Variants in CFAP44 observed in about 807,000 individuals in gnomAD.
CFAP44 encodes the protein cilia and flagella associated protein 44, also known as cilia- and flagella-associated protein 44.
A neutral mutation model predicts 216.2 loss-of-function variants in CFAP44; 134 were observed. That is an observed-to-expected ratio of 0.62 (90% CI 0.54 to 0.72). The LOEUF is 0.72. CFAP44 is among the 30% of genes least tolerant of loss of function. The pLI is 0.00. For synonymous variants in CFAP44, 700 were observed against 727.6 expected, an observed-to-expected ratio of 0.96 and a Z score of 0.61; for missense variants, 2,035 against 2,182.1, an observed-to-expected ratio of 0.93 and a Z score of 1.34.
At chr3:113,423,714 C>T (rs1404459975) in intron 4 of CFAP44, among the ~76,000 whole-genome samples, 1 of 152,110 alleles carries the variant, frequency 6.6e-6, no homozygotes, top group Non-Finnish European at 1.5e-5. Context: ...TTATAAATGG[C>T]ACATTTCTTG....
At chr3:113,405,352 C>T (rs372499079) in intron 8 of CFAP44, among the ~76,000 whole-genome samples, 173 of 152,316 alleles carry the variant, frequency 1.1e-3, no homozygotes, top group African/African-American at 3.9e-3. Flanking sequence ...AAATGTGACT[C>T]ATATCTAGCT....
intron 17 of CFAP44, among the ~76,000 whole-genome samples, chr3:113,376,124 T>C (rs934949316): frequency 1.3e-5 from 2 of 152,146 alleles, no homozygotes; most frequent in Non-Finnish European, 2.9e-5. Flanking sequence ...ATATACTGTT[T>C]ACAAGAGACC....
At chr3:113,438,700 T>A (rs1935290407) in intron 1 of CFAP44, among the ~76,000 whole-genome samples, 2 of 152,338 alleles carry the variant, frequency 1.3e-5, no homozygotes, top group South Asian at 4.1e-4. Flanking sequence ...TAAGCTGAAA[T>A]CTGCCTCCCT....
chr3:113,327,688 C>G lies in CFAP44; in HGVS notation c.4248G>C (p.Lys1416Asn). Residue 1416 changes from lysine (K) to asparagine (N), a missense_variant, in exon 27 of 35, where the codon AAG (lysine) becomes AAC (asparagine). Lys to Asn is a moderately conservative substitution (Grantham distance 94). Transcript: ENST00000393845. ...VTLFQEILLL[K>N]NFEKQENILQ... ...GTATGTTCTCCTGTTTTTCAAAATTCTTCAGGAGAAGTATTTCTTGAAATA... is the reference window on the plus strand; with the variant it reads ...GTATGTTCTCCTGTTTTTCAAAATTGTTCAGGAGAAGTATTTCTTGAAATA... The G allele has an allele frequency of 6.5e-7, 1 of 1,536,926 alleles. No individual in the cohort carries two copies. Among genetic ancestry groups the G allele is most frequent in the Non-Finnish European group, 8.7e-7 (1 of 1,146,694 alleles).
At chr3:113,332,967 CAA>C (rs1481258489) in intron 25 of CFAP44, among the ~76,000 whole-genome samples, 1 of 152,038 alleles carries the variant, frequency 6.6e-6, no homozygotes, top group Non-Finnish European at 1.5e-5. Context: ...AAGGAAAGCT[CAA>C]AGACAGAAGG....
At position 113,396,674 on chromosome 3, in the gene CFAP44, T is replaced by G. The variant is rs898122188; in HGVS notation, c.1623A>C (p.Arg541=). 2.8e-5 allele frequency: 45 copies of G among 1,613,950 alleles called. No homozygotes were observed. The highest frequency in any genetic ancestry group is 3.6e-5 in the Non-Finnish European group (43 of 1,179,976). Residue 541 remains arginine (R), a synonymous_variant, in exon 14 of 35, where the codon CGA becomes CGC. Coordinates refer to ENST00000393845, the MANE Select transcript of CFAP44 (RefSeq NM_001164496.2). Reference sequence around the variant, plus strand: ...CTTTTGGATCATAAAGTTCAAGAATTCGAACAACTCCATCTTCAAATCCTA... The same window carrying G: ...CTTTTGGATCATAAAGTTCAAGAATGCGAACAACTCCATCTTCAAATCCTA... ...IIVGFEDGVV[R]ILELYDPKGL... is the part of the protein sequence containing the mutation.
At chr3:113,398,928 A>G (rs1934063273) in intron 13 of CFAP44, among the ~76,000 whole-genome samples, 1 of 152,162 alleles carries the variant, frequency 6.6e-6, no homozygotes, top group Non-Finnish European at 1.5e-5. Flanking sequence ...TGCTTCACCC[A>G]ATCAAGTATG....
At chr3:113,439,291 T>G (rs1314870422) in intron 1 of CFAP44, among the ~76,000 whole-genome samples, 3 of 152,186 alleles carry the variant, frequency 2.0e-5, no homozygotes, top group Non-Finnish European at 4.4e-5. Flanking sequence ...GGGAAGGCTA[T>G]GAAGAATGGG....
chr3:113,312,466 G>A lies in CFAP44; in HGVS notation c.4517-4198C>T, dbSNP rs150695011. 9.0e-3 allele frequency among the ~76,000 whole-genome samples: 1,369 copies of A among 152,170 alleles called. 26 individuals carry two copies. The highest frequency in any genetic ancestry group is 0.031 in the African/African-American group (1,277 of 41,472). On this transcript the variant is annotated intron_variant, in intron 28 of 34. Coordinates refer to ENST00000393845, the MANE Select transcript of CFAP44 (RefSeq NM_001164496.2). ...TGACAATGTGATAGAAAAGAAAAAC[G>A]CATTTTCTGAGGAGAAATTCAAGCT... is the stretch of plus-strand genomic sequence containing the variant.
chr3:113,334,552 GATTGA>G (rs1163441662), intron 24 of CFAP44, among the ~76,000 whole-genome samples: 2 of 152,040 alleles, frequency 1.3e-5, no homozygotes, highest in African/African-American at 4.8e-5. Context: ...CCACAAAAAG[GATTGA>G]ATATTATCTT....
rs985052800 is a variant in CFAP44, at chr3:113,395,476, C to G, written c.1890+274G>C. On this transcript the variant is annotated intron_variant, in intron 15 of 34. Coordinates refer to ENST00000393845, the MANE Select transcript of CFAP44 (RefSeq NM_001164496.2). ...GGCCAAAAGTCCCGTTGGAGCAAAG[C>G]CTGATATAACCCTGGTTTTTGAGAG... Among the ~76,000 whole-genome samples the G allele has an allele frequency of 2.3e-4, 35 of 152,090 alleles. 1 individual carries two copies. Among genetic ancestry groups the G allele is most frequent in the Non-Finnish European group, 2.9e-5 (2 of 68,024 alleles).
At chr3:113,328,727 AAC>A (rs1950214974) in intron 26 of CFAP44, among the ~76,000 whole-genome samples, 11 of 142,288 alleles carry the variant, frequency 7.7e-5, no homozygotes, top group African/African-American at 1.6e-4. Flanking sequence ...AAAAAAAAAA[AAC>A]AGAGAGAGAA....
At chr3:113,294,238 A>G (rs1206883285) in intron 34 of CFAP44, 1 of 264,120 alleles carries the variant, frequency 3.8e-6, no homozygotes, top group Non-Finnish European at 7.5e-6. Flanking sequence ...GGCTGGCTAA[A>G]TATTATGTAA....
intron 17 of CFAP44, among the ~76,000 whole-genome samples, chr3:113,374,913 G>A (rs1344151949): frequency 6.6e-6 from 1 of 152,206 alleles, no homozygotes; most frequent in Non-Finnish European, 1.5e-5. Context: ...TAGGATTACA[G>A]GCGTGAGCCA....
rs752018447 is a variant in CFAP44 at position 113,296,776 on chromosome 3, G to C, written c.5187C>G (p.Ile1729Met). The C allele has an allele frequency of 7.2e-6, 11 of 1,537,700 alleles. No individual in the cohort carries two copies. The South Asian group carries it at 1.3e-4, about 18-fold the overall frequency. Residue 1729 changes from isoleucine to methionine, a missense_variant, in exon 33 of 35, where the codon ATC becomes ATG. Physicochemically the swap from Ile to Met is conservative, Grantham distance 10. Around this residue, in one of 3 missense-constraint regions of CFAP44, gnomAD observed 1,883 missense variants for 2,023.7 expected, o/e 0.93. Transcript: ENST00000393845. ...TTGCTAGCTCCTTTCGAAGTTTTCT[G>C]ATCTTCAGTTCTTCAAGTGTTGTAT... ...SVNTTLEELK[I>M]RKLRKELANA...
At chr3:113,398,014 G>A (rs1934036782) in intron 13 of CFAP44, among the ~76,000 whole-genome samples, 1 of 152,144 alleles carries the variant, frequency 6.6e-6, no homozygotes, top group African/African-American at 2.4e-5. Context: ...GGAAGAGCCT[G>A]GGCATCCTGT....
chr3:113,369,254 C>G (rs994966013), intron 18 of CFAP44, among the ~76,000 whole-genome samples: 11 of 152,216 alleles, frequency 7.2e-5, no homozygotes, highest in African/African-American at 2.7e-4. Flanking sequence ...CTATAGAACT[C>G]TCCATCTCAA....
Position 113,379,477 on chromosome 3 carries a change from C to G in CFAP44, c.2127G>C (p.Lys709Asn). Residue 709 changes from lysine to asparagine, a missense_variant, in exon 17 of 35, where the codon AAG (lysine) becomes AAC (asparagine). Lys to Asn is a moderately conservative substitution (Grantham distance 94). Around this residue, in one of 3 missense-constraint regions of CFAP44, gnomAD observed 1,883 missense variants for 2,023.7 expected, o/e 0.93. Coordinates refer to ENST00000393845, the MANE Select transcript of CFAP44 (RefSeq NM_001164496.2). ...CATCTTCTCCCATCTCTGCTGCTAG[C>G]TTGTTCCTCCTTTCTTCCCTTATTT... is the stretch of plus-strand genomic sequence containing the variant. ...KEKIREERRNKLAAEMGEDGE... is the reference protein window; with the variant it reads ...KEKIREERRNNLAAEMGEDGE... The G allele has an allele frequency of 6.2e-7, 1 of 1,609,272 alleles. No individual in the cohort carries two copies. The highest frequency in any genetic ancestry group is 1.1e-5 in the South Asian group (1 of 90,912).
At chr3:113,406,867 G>T (rs1304390177) in intron 8 of CFAP44, 60 bp downstream of exon 8, 3 of 1,179,128 alleles carry the variant, frequency 2.5e-6, no homozygotes, top group Non-Finnish European at 3.7e-6. Flanking sequence ...ATATATGTGT[G>T]CTTTCATATA....
Sources: allele counts gnomAD v4.1 joint callset (sites outside exome capture counted in the v4.1 genomes callset), GRCh38; gene constraint gnomAD v4.1.1; regional missense constraint gnomAD v4.1.1; transcripts MANE v1.5; gene names NCBI Gene and HGNC (gene_info 2026-07-23, HGNC 2026-07-21).